Variants in LIMS1 observed in about 807,000 individuals in gnomAD.
LIMS1 encodes the protein LIM and senescent cell antigen-like-containing domain protein 1.
In LIMS1, 18 loss-of-function variants were observed where a neutral mutation model predicts 44.1. The observed-to-expected ratio is 0.41, with a 90% CI of 0.28 to 0.61. The LOEUF is 0.61. Ranked by LOEUF, LIMS1 falls within the 20% of genes least tolerant of loss-of-function variation. LIMS1 has a pLI of 0.32. For missense variants in LIMS1, 201 were observed against 422.0 expected (o/e 0.48, Z 4.59); for synonymous variants, 93 against 149.1 (o/e 0.62, Z 2.74).
intron 1 of LIMS1, among the ~76,000 whole-genome samples, chr2:108,611,253 T>C (rs1687582454): frequency 6.6e-6 from 1 of 152,172 alleles, no homozygotes; most frequent in South Asian, 2.1e-4. Flanking sequence ...TTTCATTAGA[T>C]TATTGTAAAA....
At chr2:108,567,227 T>C (rs1188058738) in intron 1 of LIMS1, among the ~76,000 whole-genome samples, 1 of 152,172 alleles carries the variant, frequency 6.6e-6, no homozygotes, top group East Asian at 1.9e-4. Context: ...CTCCTGGTAC[T>C]ACAGTTTCCT....
chr2:108,611,836 A>AAT (rs138970063), intron 1 of LIMS1, among the ~76,000 whole-genome samples: 15,619 of 130,892 alleles, frequency 0.12, 1,140 homozygotes, highest in African/African-American at 0.2. Flanking sequence ...CATGATCTAA[A>AAT]ATATATATAT....
At chr2:108,620,020 C>A (rs749101769) in intron 1 of LIMS1, among the ~76,000 whole-genome samples, 3 of 152,108 alleles carry the variant, frequency 2.0e-5, no homozygotes, top group Non-Finnish European at 2.9e-5. Flanking sequence ...TAAATTTTTT[C>A]CCTGCATCTT....
chr2:108,568,280 A>G (rs1685363040), intron 1 of LIMS1, among the ~76,000 whole-genome samples: 1 of 152,236 alleles, frequency 6.6e-6, no homozygotes, highest in Non-Finnish European at 1.5e-5. Context: ...AGGTGGAATC[A>G]TGCAATATTT....
At chr2:108,673,148 T>G (rs747302550) in intron 5 of LIMS1, 119 bp downstream of exon 5, 68 of 1,436,450 alleles carry the variant, frequency 4.7e-5, no homozygotes, top group Non-Finnish European at 6.0e-5. Flanking sequence ...TCTAGAAAAT[T>G]TTAAACCTAT....
chr2:108,612,037 C>CATAT lies in LIMS1; in HGVS notation c.33-47567_33-47566insTATA, dbSNP rs1687680508. On this transcript the variant is annotated intron_variant, in intron 1 of 9. Coordinates refer to ENST00000544547, the Ensembl canonical transcript of LIMS1. ...ATATATACACACACATATACACACA[C>CATAT]ACACACACACACACACATATATATA... 7.4e-5 allele frequency among the ~76,000 whole-genome samples: 7 copies of CATAT among 94,846 alleles called. No individual in the cohort carries two copies. In the East Asian group the frequency reaches 2.3e-3, roughly 32 times the overall value. The allele number at this position is 94,846 out of a possible 152,430, so 62.2% of individuals were successfully genotyped here. A position where few individuals can be genotyped will look rare whatever the true frequency, so the allele number is the denominator to read the frequency against.
At chr2:108,615,128 A>C (rs1198134098) in intron 1 of LIMS1, among the ~76,000 whole-genome samples, 1 of 152,204 alleles carries the variant, frequency 6.6e-6, no homozygotes, top group South Asian at 2.1e-4. Flanking sequence ...GATAGAAACA[A>C]TATCTAAAAA....
intron 1 of LIMS1, among the ~76,000 whole-genome samples, chr2:108,629,305 C>T (rs931347128): frequency 6.6e-6 from 1 of 152,054 alleles, no homozygotes; most frequent in Non-Finnish European, 1.5e-5. Flanking sequence ...AGGATTGTTT[C>T]CAAAAAAGTT....
chr2:108,612,009 T>TATATTATATATACACAC (rs1558809162), intron 1 of LIMS1, among the ~76,000 whole-genome samples: 6 of 132,420 alleles, frequency 4.5e-5, no homozygotes, highest in Admixed American at 8.0e-5. Flanking sequence ...TATACACACA[T>TATATTATATATACACAC]ATATATATAC....
intron 1 of LIMS1, among the ~76,000 whole-genome samples, chr2:108,587,436 T>A (rs1402741736): frequency 6.6e-6 from 1 of 151,828 alleles, no homozygotes; most frequent in Non-Finnish European, 1.5e-5. Context: ...TGGGCTCAAG[T>A]GATCTCCTAT....
intron 1 of LIMS1, among the ~76,000 whole-genome samples, chr2:108,614,816 G>C (rs1034509519): frequency 2.6e-5 from 4 of 152,166 alleles, no homozygotes; most frequent in Non-Finnish European, 5.9e-5. Context: ...TTGATGTGTT[G>C]ACAATATTGG....
intron 1 of LIMS1, among the ~76,000 whole-genome samples, chr2:108,651,320 T>C (rs1279517143): frequency 6.6e-6 from 1 of 152,220 alleles, no homozygotes; most frequent in Non-Finnish European, 1.5e-5. Flanking sequence ...GAAGGTGATC[T>C]ATAGAGTGTG....
intron 1 of LIMS1, among the ~76,000 whole-genome samples, chr2:108,581,220 A>T (rs975207902): frequency 1.1e-4 from 17 of 152,200 alleles, no homozygotes; most frequent in African/African-American, 3.9e-4. Flanking sequence ...TTGCAGACAT[A>T]AGCAGAACAA....
At chr2:108,625,800 T>C (rs1199641286) in intron 1 of LIMS1, among the ~76,000 whole-genome samples, 1 of 152,232 alleles carries the variant, frequency 6.6e-6, no homozygotes, top group Non-Finnish European at 1.5e-5. Context: ...CTTTACTTTC[T>C]GGTTATAGAA....
At chr2:108,622,684 C>A (rs1442738239) in intron 1 of LIMS1, among the ~76,000 whole-genome samples, 2 of 152,100 alleles carry the variant, frequency 1.3e-5, no homozygotes, top group African/African-American at 4.8e-5. Flanking sequence ...ATATTGAGCT[C>A]TATATTGCTA....
intron 1 of LIMS1, among the ~76,000 whole-genome samples, chr2:108,605,826 A>G (rs984391324): frequency 6.6e-6 from 1 of 152,262 alleles, no homozygotes; most frequent in Non-Finnish European, 1.5e-5. Flanking sequence ...TGAAACTTCA[A>G]ACTTGACACA....
At chr2:108,605,143 A>G (rs1419311725) in intron 1 of LIMS1, among the ~76,000 whole-genome samples, 1 of 152,158 alleles carries the variant, frequency 6.6e-6, no homozygotes, top group Non-Finnish European at 1.5e-5. Context: ...ATTGCCTGGA[A>G]TCATTTCTGG....
intron 1 of LIMS1, among the ~76,000 whole-genome samples, chr2:108,607,900 A>G (rs1222496396): frequency 6.6e-6 from 1 of 152,180 alleles, no homozygotes; most frequent in Non-Finnish European, 1.5e-5. Flanking sequence ...GTGTGCCTGT[A>G]ACATCTTCAG....
chr2:108,680,858 G>T (rs1692944817), intron 9 of LIMS1, 88 bp downstream of exon 9: 25 of 1,547,374 alleles, frequency 1.6e-5, no homozygotes, highest in Non-Finnish European at 2.2e-5. Context: ...TAGAAAAAGA[G>T]AATTATTTGA....
Sources: gnomAD v4.1 joint callset for allele counts (sites outside exome capture counted in the v4.1 genomes callset) on GRCh38, gnomAD v4.1.1 for gene constraint, MANE v1.5 for transcripts, NCBI Gene and HGNC (gene_info 2026-07-23, HGNC 2026-07-21) for gene names.